The following PRKCA variants were observed in gnomAD, a reference collection of about 807,000 sequenced individuals.
PRKCA encodes protein kinase C alpha type.
In PRKCA, 27 loss-of-function variants were observed where a neutral mutation model predicts 87.0. The ratio of observed to expected loss-of-function variants is 0.31; its 90% CI spans 0.23 to 0.43. The LOEUF is 0.43. PRKCA is among the 20% of genes least tolerant of loss of function. The pLI, the probability that PRKCA is intolerant of heterozygous loss-of-function variation, is 1.00. For missense variants in PRKCA, 518 were observed against 852.3 expected, an observed-to-expected ratio of 0.61 and a Z score of 4.88; for synonymous variants, 329 against 311.1, an observed-to-expected ratio of 1.06 and a Z score of -0.61.
chr17:66,712,692 C>G (rs558133905), intron 8 of PRKCA, among the ~76,000 whole-genome samples: 1 of 152,118 alleles, frequency 6.6e-6, no homozygotes, highest in Non-Finnish European at 1.5e-5. Context: ...CAGGGTGTGG[C>G]GAGGAAGTGC....
At chr17:66,632,546 ATT>A (rs907815960) in intron 3 of PRKCA, among the ~76,000 whole-genome samples, 1 of 147,466 alleles carries the variant, frequency 6.8e-6, no homozygotes. Flanking sequence ...CCCCCAGCTA[ATT>A]TTTTTTTTTT....
chr17:66,429,085 G>A (rs1003485353), intron 2 of PRKCA, among the ~76,000 whole-genome samples: 8 of 151,950 alleles, frequency 5.3e-5, no homozygotes, highest in African/African-American at 9.7e-5. Context: ...AGTTTTTCAC[G>A]CTCTTCCGCC....
chr17:66,448,307 A>T (rs1914136148), intron 2 of PRKCA, among the ~76,000 whole-genome samples: 1 of 152,114 alleles, frequency 6.6e-6, no homozygotes, highest in African/African-American at 2.4e-5. Flanking sequence ...GAAAAACGAG[A>T]TCTGTTAAAG....
chr17:66,672,927 C>T (rs985368098), intron 5 of PRKCA, among the ~76,000 whole-genome samples: 1 of 152,176 alleles, frequency 6.6e-6, no homozygotes, highest in Admixed American at 6.5e-5. Flanking sequence ...TTCTCCCATG[C>T]AGAAGTATAG....
At chr17:66,714,241 G>A (rs1186745026) in intron 8 of PRKCA, among the ~76,000 whole-genome samples, 1 of 151,780 alleles carries the variant, frequency 6.6e-6, no homozygotes, top group South Asian at 2.1e-4. Context: ...TTCCTTTGGG[G>A]AGAATGCCCC....
intron 3 of PRKCA, among the ~76,000 whole-genome samples, chr17:66,556,567 C>T (rs1968501971): frequency 6.6e-6 from 1 of 152,134 alleles, no homozygotes; most frequent in Non-Finnish European, 1.5e-5. Flanking sequence ...TATGGTCTGG[C>T]TCTGTTTCCC....
chr17:66,745,900 G>A (rs1011815642), intron 13 of PRKCA, among the ~76,000 whole-genome samples: 5 of 152,074 alleles, frequency 3.3e-5, no homozygotes, highest in African/African-American at 9.7e-5. Context: ...TAAACTGCTC[G>A]AAACTTGAGC....
intron 3 of PRKCA, among the ~76,000 whole-genome samples, chr17:66,540,799 G>A (rs1192053964): frequency 6.6e-6 from 1 of 152,176 alleles, no homozygotes; most frequent in South Asian, 2.1e-4. Context: ...TACAACAGAG[G>A]CAGTCGAGGG....
chr17:66,636,553 T>C (rs934237147), intron 3 of PRKCA, among the ~76,000 whole-genome samples: 2 of 152,078 alleles, frequency 1.3e-5, no homozygotes, highest in African/African-American at 4.8e-5. Context: ...AGCCTGAGGG[T>C]GATTAGCCCA....
chr17:66,759,483 A>G (rs1367158543), intron 13 of PRKCA, among the ~76,000 whole-genome samples: 1 of 152,100 alleles, frequency 6.6e-6, no homozygotes, highest in Non-Finnish European at 1.5e-5. Flanking sequence ...GAATCATATG[A>G]AATGCTCAGC....
chr17:66,515,022 G>A (rs1294503285), intron 3 of PRKCA, among the ~76,000 whole-genome samples: 1 of 152,024 alleles, frequency 6.6e-6, no homozygotes, highest in Admixed American at 6.6e-5. Flanking sequence ...TTGGGAGGCC[G>A]AGGCGAGTGG....
intron 2 of PRKCA, among the ~76,000 whole-genome samples, chr17:66,344,524 C>A (rs9891416): frequency 0.54 from 81,600 of 151,712 alleles, 24,167 homozygotes; most frequent in Non-Finnish European, 0.65. Context: ...ACAACAACAA[C>A]AAAAAAACAG....
intron 2 of PRKCA, among the ~76,000 whole-genome samples, chr17:66,477,571 G>A (rs1054967124): frequency 6.6e-6 from 1 of 152,110 alleles, no homozygotes; most frequent in African/African-American, 2.4e-5. Context: ...GTGGTGGCGG[G>A]CACCTGTAGT....
chr17:66,572,522 A>G (rs1969112216), intron 3 of PRKCA, among the ~76,000 whole-genome samples: 1 of 152,106 alleles, frequency 6.6e-6, no homozygotes, highest in Admixed American at 6.5e-5. Flanking sequence ...AAGATGAACC[A>G]CCTTTCCAGA....
chr17:66,714,550 A>G (rs962240124), intron 8 of PRKCA, among the ~76,000 whole-genome samples: 2 of 151,754 alleles, frequency 1.3e-5, no homozygotes, highest in African/African-American at 4.8e-5. Flanking sequence ...CCTTCCTGGA[A>G]TGGAAATTTG....
At chr17:66,735,293 T>C (rs1333727340) in intron 9 of PRKCA, among the ~76,000 whole-genome samples, 196 bp from the exon 10 acceptor site, 1 of 152,240 alleles carries the variant, frequency 6.6e-6, no homozygotes, top group African/African-American at 2.4e-5. Flanking sequence ...CATTGAAGTT[T>C]TGCAAATGCT....
Position 66,461,205 on chromosome 17 carries a change from C to CAAA in PRKCA, c.206-34980_206-34978dup, listed in dbSNP as rs34496253. ...TGGGTGAAAAAATGAGACCCCATCT[C>CAAA]AAAAAAAAAAAAAAAAAAGAAAAGA... On this transcript the variant is annotated intron_variant, in intron 2 of 16. Coordinates refer to ENST00000413366, the MANE Select transcript of PRKCA (RefSeq NM_002737.3). Among the ~76,000 whole-genome samples the CAAA allele has an allele frequency of 3.2e-4, 30 of 93,012 alleles. No homozygotes were observed. In the East Asian group the frequency reaches 4.2e-3, roughly 13 times the overall value. The allele number at this position is 93,012 out of a possible 152,430, so 61.0% of individuals were successfully genotyped here.
intron 3 of PRKCA, among the ~76,000 whole-genome samples, chr17:66,587,869 ATG>A (rs869036727): frequency 0.062 from 4,869 of 78,794 alleles, 958 homozygotes; most frequent in East Asian, 0.19. Flanking sequence ...ATACATATGT[ATG>A]TGTGTGTGTG....
intron 2 of PRKCA, among the ~76,000 whole-genome samples, chr17:66,394,342 T>G (rs1910538333): frequency 6.6e-6 from 1 of 152,076 alleles, no homozygotes; most frequent in African/African-American, 2.4e-5. Context: ...TTGGGCACAG[T>G]TAGGGAGAAA....
Sources: gnomAD v4.1 joint callset for allele counts (sites outside exome capture counted in the v4.1 genomes callset) on GRCh38, gnomAD v4.1.1 for gene constraint, MANE v1.5 for transcripts, NCBI Gene and HGNC (gene_info 2026-07-23, HGNC 2026-07-21) for gene names.